NSMCE2: variants seen among roughly 807,000 people sequenced by gnomAD.
NSMCE2 encodes the protein E3 SUMO-protein ligase NSE2.
In NSMCE2, 24 loss-of-function variants were observed where a neutral mutation model predicts 23.8. That is an observed-to-expected ratio of 1.01 (90% CI 0.73 to 1.42). NSMCE2 has a LOEUF of 1.42. Ranked by LOEUF, NSMCE2 falls within the 40% of genes most tolerant of loss-of-function variation. The pLI is 0.00. For missense variants in NSMCE2, 284 were observed against 296.5 expected (o/e 0.96, Z 0.31); for synonymous variants, 92 against 94.1 (o/e 0.98, Z 0.13).
At chr8:125,198,707 G>A (rs201563478) in intron 5 of NSMCE2, among the ~76,000 whole-genome samples, 1 of 152,124 alleles carries the variant, frequency 6.6e-6, no homozygotes, top group African/African-American at 2.4e-5. Context: ...CCTCATAAAA[G>A]GAGTTAGGGA....
At chr8:125,204,886 T>C (rs570693030) in intron 5 of NSMCE2, among the ~76,000 whole-genome samples, 132 of 152,326 alleles carry the variant, frequency 8.7e-4, no homozygotes, top group African/African-American at 3.1e-3. Flanking sequence ...GGCCAGTTTC[T>C]ACCAGAATGA....
intron 3 of NSMCE2, among the ~76,000 whole-genome samples, chr8:125,140,212 G>C (rs1317009021): frequency 6.6e-6 from 1 of 152,190 alleles, no homozygotes; most frequent in Admixed American, 6.5e-5. Flanking sequence ...GAAACCCCAT[G>C]ATTCAGTAGA....
intron 5 of NSMCE2, among the ~76,000 whole-genome samples, chr8:125,227,562 A>G (rs1056086274): frequency 6.8e-6 from 1 of 147,008 alleles, no homozygotes; most frequent in African/African-American, 2.7e-5. Flanking sequence ...TAATTACATC[A>G]TCTTAATTGC....
chr8:125,316,800 C>A (rs1015943358), intron 5 of NSMCE2, among the ~76,000 whole-genome samples: 1 of 121,236 alleles, frequency 8.2e-6, no homozygotes, highest in Non-Finnish European at 1.7e-5. Flanking sequence ...TTTCTTTCTT[C>A]TTTCCTCTTG....
At chr8:125,179,594 A>G (rs978212748) in intron 4 of NSMCE2, among the ~76,000 whole-genome samples, 2 of 152,240 alleles carry the variant, frequency 1.3e-5, no homozygotes, top group Non-Finnish European at 2.9e-5. Context: ...ATGGATGGCC[A>G]TGCAGACTCA....
intron 5 of NSMCE2, among the ~76,000 whole-genome samples, chr8:125,268,487 GAAA>G (rs949235627): frequency 2.4e-4 from 37 of 152,244 alleles, no homozygotes; most frequent in African/African-American, 8.9e-4. Flanking sequence ...GAGAATAAAG[GAAA>G]AGATGGTATA....
At chr8:125,360,841 G>T (rs973307633) in intron 7 of NSMCE2, among the ~76,000 whole-genome samples, 1 of 152,034 alleles carries the variant, frequency 6.6e-6, no homozygotes, top group Non-Finnish European at 1.5e-5. Flanking sequence ...AGTTATGTTT[G>T]TTTTTTTAGA....
rs79236813 is a variant in NSMCE2, at chr8:125,291,563, A to G, written c.419-65656A>G. On this transcript the variant is annotated intron_variant, in intron 5 of 7. Coordinates refer to ENST00000287437, the MANE Select transcript of NSMCE2 (RefSeq NM_173685.4). The stretch of plus-strand genomic sequence containing the variant: ...TTACAAATCACACAATGGGAAAGAC[A>G]TGTTCTCCAAAGGAGAATCAGGCAG... Among the ~76,000 whole-genome samples, 8 of 152,316 alleles carry G rather than the reference A, an allele frequency of 5.3e-5. No homozygotes were observed. In the East Asian group the frequency reaches 1.4e-3, roughly 26 times the overall value.
chr8:125,201,209 A>G lies in NSMCE2; in HGVS notation c.418+18953A>G, dbSNP rs139727390. On this transcript the variant is annotated intron_variant, in intron 5 of 7. Transcript: ENST00000287437. ...GTCATTCTCCGTCCAGGTTTGTTCCATTGCTGGCGAGGAGCTGTGATCCGT... is the reference window on the plus strand; with the variant it reads ...GTCATTCTCCGTCCAGGTTTGTTCCGTTGCTGGCGAGGAGCTGTGATCCGT... Among the ~76,000 whole-genome samples, 1,167 of 152,260 alleles carry G rather than the reference A, an allele frequency of 7.7e-3. 16 individuals carry two copies. The highest frequency in any genetic ancestry group is 0.026 in the African/African-American group (1,089 of 41,512).
At chr8:125,210,251 A>G (rs1296148640) in intron 5 of NSMCE2, among the ~76,000 whole-genome samples, 2 of 152,370 alleles carry the variant, frequency 1.3e-5, no homozygotes, top group Non-Finnish European at 2.9e-5. Context: ...GTCTTGGCAC[A>G]CAGTAAATGT....
At chr8:125,242,003 G>A (rs1291270644) in intron 5 of NSMCE2, among the ~76,000 whole-genome samples, 1 of 152,150 alleles carries the variant, frequency 6.6e-6, no homozygotes, top group Admixed American at 6.5e-5. Flanking sequence ...ATCCCTAGAT[G>A]TGAGAACTGC....
At chr8:125,096,660 C>T (rs113168401) in intron 1 of NSMCE2, among the ~76,000 whole-genome samples, 841 of 70,036 alleles carry the variant, frequency 0.012, 16 homozygotes, top group African/African-American at 0.037. Flanking sequence ...TTTTTTCATA[C>T]GGAGTCTTTT....
At chr8:125,283,819 A>G (rs1291991094) in intron 5 of NSMCE2, among the ~76,000 whole-genome samples, 1 of 152,188 alleles carries the variant, frequency 6.6e-6, no homozygotes, top group Admixed American at 6.5e-5. Flanking sequence ...CAACTCAGGC[A>G]TTTGATCCAC....
chr8:125,160,301 A>G (rs1821539421), intron 4 of NSMCE2, among the ~76,000 whole-genome samples: 1 of 152,206 alleles, frequency 6.6e-6, no homozygotes, highest in Non-Finnish European at 1.5e-5. Flanking sequence ...AACGTTCTGT[A>G]AAGAACTCAT....
chr8:125,113,323 A>C (rs1163615581), intron 3 of NSMCE2, among the ~76,000 whole-genome samples: 2 of 152,124 alleles, frequency 1.3e-5, no homozygotes, highest in Non-Finnish European at 2.9e-5. Flanking sequence ...CCTTGTCTCT[A>C]CAAACATTTT....
At chr8:125,126,633 A>G (rs957788747) in intron 3 of NSMCE2, among the ~76,000 whole-genome samples, 12 of 152,204 alleles carry the variant, frequency 7.9e-5, no homozygotes, top group Non-Finnish European at 1.8e-4. Flanking sequence ...CAAAGAGGGC[A>G]TCATATTCTG....
At chr8:125,164,626 A>G (rs927370999) in intron 4 of NSMCE2, among the ~76,000 whole-genome samples, 7 of 152,358 alleles carry the variant, frequency 4.6e-5, no homozygotes, top group South Asian at 2.1e-4. Context: ...TGTAACGGTT[A>G]TATTAAAAAT....
chr8:125,132,950 CTCTCTTAAA>C (rs1198754810), intron 3 of NSMCE2, among the ~76,000 whole-genome samples: 3 of 152,302 alleles, frequency 2.0e-5, no homozygotes, highest in South Asian at 4.1e-4. Flanking sequence ...TCATCTAACT[CTCTCTTAAA>C]AGTAAGGAAA....
chr8:125,183,676 C>T (rs1033248699), intron 5 of NSMCE2, among the ~76,000 whole-genome samples: 1 of 146,344 alleles, frequency 6.8e-6, no homozygotes, highest in African/African-American at 2.7e-5. Context: ...GTATCTGGCA[C>T]ATGGACCTGT....
Sources: allele counts gnomAD v4.1 joint callset (sites outside exome capture counted in the v4.1 genomes callset), GRCh38; gene constraint gnomAD v4.1.1; transcripts MANE v1.5; gene names NCBI Gene and HGNC (gene_info 2026-07-23, HGNC 2026-07-21).